The following TMEM108 variants were observed in gnomAD, a reference collection of about 807,000 sequenced individuals.
The protein encoded by TMEM108 is transmembrane protein 108.
In TMEM108, 12 loss-of-function variants were observed where a neutral mutation model predicts 35.1. The observed-to-expected ratio is 0.34, with a 90% confidence interval of 0.22 to 0.55. The LOEUF (loss-of-function observed/expected upper bound fraction) is 0.55. Ranked by LOEUF, TMEM108 falls within the 20% of genes least tolerant of loss-of-function variation. TMEM108 has a pLI of 0.89. For missense variants in TMEM108, 680 were observed against 753.3 expected (o/e 0.90, Z 1.14); for synonymous variants, 287 against 308.6 (o/e 0.93, Z 0.73).
chr3:133,162,579 T>C (rs1338141062), intron 2 of TMEM108, among the ~76,000 whole-genome samples: 1 of 152,210 alleles, frequency 6.6e-6, no homozygotes, highest in Non-Finnish European at 1.5e-5. Flanking sequence ...TAATGCCCTC[T>C]GTTCAGCTTT....
intron 3 of TMEM108, among the ~76,000 whole-genome samples, chr3:133,245,120 C>T (rs1946366859): frequency 6.6e-6 from 1 of 152,140 alleles, no homozygotes; most frequent in African/African-American, 2.4e-5. Flanking sequence ...AAAGTCTATG[C>T]CGTCAGACCT....
chr3:133,071,241 T>C (rs1000772172), intron 2 of TMEM108, among the ~76,000 whole-genome samples: 6 of 152,166 alleles, frequency 3.9e-5, no homozygotes, highest in African/African-American at 9.7e-5. Flanking sequence ...GATTTTGTTA[T>C]GATTCTAAAG....
rs927334439 is a variant in TMEM108, at chr3:133,195,138, A to G, written c.-46-34128A>G. Among the ~76,000 whole-genome samples the G allele has an allele frequency of 2.0e-5, 3 of 152,310 alleles. No homozygotes were observed. The South Asian group carries it at 6.2e-4, about 32-fold the overall frequency. On this transcript the variant is annotated intron_variant, in intron 2 of 5. Coordinates refer to ENST00000321871, the MANE Select transcript of TMEM108 (RefSeq NM_023943.4). ...TGGAAGAATAATAAAAACAATCATA[A>G]TAAGAAACGACAACTAATTATACTT...
At chr3:133,251,139 T>C (rs556411120) in intron 3 of TMEM108, among the ~76,000 whole-genome samples, 2 of 152,280 alleles carry the variant, frequency 1.3e-5, no homozygotes, top group East Asian at 1.9e-4. Context: ...TGGAATGAGA[T>C]TGATAGACAA....
At chr3:133,182,071 C>T (rs1945354299) in intron 2 of TMEM108, among the ~76,000 whole-genome samples, 1 of 152,122 alleles carries the variant, frequency 6.6e-6, no homozygotes, top group South Asian at 2.1e-4. Flanking sequence ...AGATCTCAAC[C>T]TGTCTGGGAA....
At chr3:133,242,720 A>G (rs1658608674) in intron 3 of TMEM108, among the ~76,000 whole-genome samples, 1 of 152,360 alleles carries the variant, frequency 6.6e-6, no homozygotes, top group Admixed American at 6.5e-5. Flanking sequence ...AGAAGAGGCA[A>G]GAATGAGAAT....
intron 2 of TMEM108, among the ~76,000 whole-genome samples, chr3:133,201,782 G>A (rs533532025): frequency 6.6e-6 from 1 of 152,268 alleles, no homozygotes; most frequent in South Asian, 2.1e-4. Flanking sequence ...TGTCTTTATA[G>A]TAGAATGATT....
intron 2 of TMEM108, among the ~76,000 whole-genome samples, chr3:133,084,144 G>A (rs1943851027): frequency 6.6e-6 from 1 of 151,548 alleles, no homozygotes; most frequent in African/African-American, 2.4e-5. Flanking sequence ...CAGTGATTAG[G>A]AAATTTTCAA....
chr3:133,065,321 T>C (rs1464374548), intron 2 of TMEM108, among the ~76,000 whole-genome samples: 1 of 151,936 alleles, frequency 6.6e-6, no homozygotes, highest in African/African-American at 2.4e-5. Context: ...CACACACACA[T>C]GCACAGAGAT....
intron 3 of TMEM108, among the ~76,000 whole-genome samples, chr3:133,356,684 C>T (rs2072182686): frequency 6.6e-6 from 1 of 152,098 alleles, no homozygotes; most frequent in Non-Finnish European, 1.5e-5. Context: ...CTACAGCCAA[C>T]TGATCTACAA....
chr3:133,238,419 A>G (rs1946269379), intron 3 of TMEM108, among the ~76,000 whole-genome samples: 1 of 152,212 alleles, frequency 6.6e-6, no homozygotes, highest in South Asian at 2.1e-4. Context: ...ACCACTAAAA[A>G]AGACAAAACG....
chr3:133,178,397 G>A lies in TMEM108; in HGVS notation c.-46-50869G>A, dbSNP rs549360833. On this transcript the variant is annotated intron_variant, in intron 2 of 5. Transcript: ENST00000321871. The stretch of plus-strand genomic sequence containing the variant: ...CAAAGCTGGAGGCATCATACTACCT[G>A]ACTTCAAATTATACTACAAGGCTAC... Among the ~76,000 whole-genome samples the A allele has an allele frequency of 2.2e-4, 34 of 152,270 alleles. No homozygotes were observed. The East Asian group carries it at 6.6e-3, about 29-fold the overall frequency.
intron 3 of TMEM108, among the ~76,000 whole-genome samples, chr3:133,334,718 ATTAAATAG>A (rs1465908739): frequency 2.0e-5 from 3 of 152,238 alleles, no homozygotes; most frequent in East Asian, 1.9e-4. Flanking sequence ...CCTTAAAGTA[ATTAAATAG>A]TTAAATAGTT....
At chr3:133,287,175 C>T (rs2107692417) in intron 3 of TMEM108, among the ~76,000 whole-genome samples, 1 of 152,206 alleles carries the variant, frequency 6.6e-6, no homozygotes, top group East Asian at 1.9e-4. Context: ...TCACCTGCTC[C>T]AGACATTTTT....
At chr3:133,257,603 T>A (rs1946566221) in intron 3 of TMEM108, among the ~76,000 whole-genome samples, 1 of 152,210 alleles carries the variant, frequency 6.6e-6, no homozygotes, top group South Asian at 2.1e-4. Context: ...TCAGTGGTAT[T>A]TGAAAGCTTA....
chr3:133,374,563 T>TAC lies in TMEM108; in HGVS notation c.41-5177_41-5176dup, dbSNP rs1236381464. On this transcript the variant is annotated intron_variant, in intron 3 of 5. Coordinates refer to ENST00000321871, the MANE Select transcript of TMEM108 (RefSeq NM_023943.4). ...TTTGTTATATATATATATATATATA[T>TAC]ACACACACACACATATATAATTTTG... is the stretch of plus-strand genomic sequence containing the variant. Among the ~76,000 whole-genome samples, 362 of 78,006 alleles carry TAC rather than the reference T, an allele frequency of 4.6e-3. 1 individual carries two copies. Among genetic ancestry groups the TAC allele is most frequent in the East Asian group, 0.02 (35 of 1,772 alleles). 51.2% of individuals were successfully genotyped at this position (78,006 alleles called of 152,430 possible).
intron 3 of TMEM108, among the ~76,000 whole-genome samples, chr3:133,361,040 AG>A (rs1394581984): frequency 1.3e-5 from 2 of 152,360 alleles, no homozygotes; most frequent in African/African-American, 4.8e-5. Context: ...TCCCACTTCA[AG>A]ATCGTGTCTC....
chr3:133,039,553 A>G (rs1170300001), intron 1 of TMEM108, among the ~76,000 whole-genome samples: 1 of 152,222 alleles, frequency 6.6e-6, no homozygotes, highest in African/African-American at 2.4e-5. Flanking sequence ...CAAGCTATGG[A>G]AAGTATTCCC....
chr3:133,106,817 C>T (rs1944158567), intron 2 of TMEM108, among the ~76,000 whole-genome samples: 1 of 152,174 alleles, frequency 6.6e-6, no homozygotes, highest in African/African-American at 2.4e-5. Context: ...TCCGAGGCAA[C>T]AACATGACTA....
Sources: allele counts gnomAD v4.1 joint callset (sites outside exome capture counted in the v4.1 genomes callset), GRCh38; gene constraint gnomAD v4.1.1; transcripts MANE v1.5; gene names NCBI Gene and HGNC (gene_info 2026-07-23, HGNC 2026-07-21).